TRIP12: variants seen among roughly 807,000 people sequenced by gnomAD.
TRIP12 encodes thyroid hormone receptor interactor 12, also known as E3 ubiquitin-protein ligase TRIP12.
Under a neutral mutation model 244.2 loss-of-function variants are expected in TRIP12, and 25 were observed. That is an observed-to-expected ratio of 0.10 (90% CI 0.07 to 0.14). The LOEUF (loss-of-function observed/expected upper bound fraction) is 0.14. TRIP12 is among the 10% of genes least tolerant of loss of function. TRIP12 has a pLI of 1.00. For missense variants in TRIP12, 1,677 were observed against 2,486.4 expected (o/e 0.67, Z 6.92); for synonymous variants, 905 against 873.1 (o/e 1.04, Z -0.64).
intron 41 of TRIP12, 67 bp downstream of exon 41, chr2:229,768,549 C>T: frequency 7.0e-7 from 1 of 1,427,466 alleles, no homozygotes; most frequent in Non-Finnish European, 9.7e-7. Context: ...GCTGATGGTA[C>T]TGAAGTTTCA....
intron 4 of TRIP12, among the ~76,000 whole-genome samples, chr2:229,854,207 A>C (rs1437166236): frequency 6.6e-6 from 1 of 152,138 alleles, no homozygotes; most frequent in Admixed American, 6.5e-5. Flanking sequence ...CTCAGTCTCC[A>C]ATGTTTATTA....
chr2:229,858,983 C>T lies in TRIP12; in HGVS notation c.816G>A (p.Lys272=), dbSNP rs2154335946. 3.1e-6 allele frequency: 5 copies of T among 1,614,170 alleles called. No homozygotes were observed. Among genetic ancestry groups the T allele is most frequent in the East Asian group, 4.5e-5 (2 of 44,874 alleles). The stretch of plus-strand genomic sequence containing the variant: ...TGGACGCTGAACGGGAACGCCTGGC[C>T]TTGTTCTGATCTTTTCCTTGTTTCA... The part of the protein sequence containing the change: ...ARVKQGKDQN[K]ARRSRSASSP... The change falls in exon 4 of 42, where the codon AAG becomes AAA. Residue 272 remains lysine, a synonymous_variant. Coordinates refer to ENST00000675903, the MANE Select transcript of TRIP12 (RefSeq NM_001348323.3).
intron 4 of TRIP12, among the ~76,000 whole-genome samples, chr2:229,845,588 CCAAAA>C (rs1053633130): frequency 1.6e-4 from 24 of 152,032 alleles, no homozygotes; most frequent in Admixed American, 4.6e-4. Context: ...TTAAAACTCT[CCAAAA>C]CAAAAGAAAT....
chr2:229,819,085 C>CACACACACACA, intron 8 of TRIP12, among the ~76,000 whole-genome samples: 1 of 109,696 alleles, frequency 9.1e-6, no homozygotes, highest in South Asian at 3.3e-4. Flanking sequence ...CACACACACA[C>CACACACACACA]AATTATAAAC....
chr2:229,896,169 T>C (rs1158209298), intron 1 of TRIP12, among the ~76,000 whole-genome samples: 2 of 152,102 alleles, frequency 1.3e-5, no homozygotes, highest in Non-Finnish European at 2.9e-5. Context: ...TATTATACTA[T>C]AGAGTAAGAT....
chr2:229,813,509 C>T (rs867207239), intron 13 of TRIP12, among the ~76,000 whole-genome samples: 35 of 152,172 alleles, frequency 2.3e-4, no homozygotes, highest in Middle Eastern at 3.4e-3. Context: ...AGTGGCTGGG[C>T]GCGGTAGCTC....
At chr2:229,817,641 G>A (rs139403859) in intron 9 of TRIP12, among the ~76,000 whole-genome samples, 589 of 152,150 alleles carry the variant, frequency 3.9e-3, no homozygotes, top group Non-Finnish European at 5.9e-3. Flanking sequence ...GTGCAGTGGC[G>A]CGATCTTGGC....
chr2:229,849,100 A>G (rs994558731), intron 4 of TRIP12, among the ~76,000 whole-genome samples: 15 of 152,352 alleles, frequency 9.8e-5, no homozygotes, highest in South Asian at 2.1e-4. Context: ...CAGAGGCCTC[A>G]TTTCTTCAAG....
chr2:229,786,037 C>A (rs2039895485), intron 33 of TRIP12, among the ~76,000 whole-genome samples, 182 bp from the exon 34 acceptor site: 1 of 152,138 alleles, frequency 6.6e-6, no homozygotes, highest in African/African-American at 2.4e-5. Context: ...TCAACAGCAC[C>A]CTGGCATACA....
In TRIP12 at chr2:229,858,780, T is replaced by C; in HGVS notation, c.1019A>G (p.Lys340Arg). The change falls in exon 4 of 42, where the codon AAA becomes AGA. Residue 340 changes from lysine (K) to arginine (R), a missense_variant. By Grantham distance (26) the Lys-to-Arg change is conservative. Coordinates refer to ENST00000675903, the MANE Select transcript of TRIP12 (RefSeq NM_001348323.3). ...CCTTTTTGTAAACTTACTTGCTAAT[T>C]TGGCCTGTAATCCAGAAGGTCCAGG... The part of the protein sequence containing the change: ...SKPGPSGLQA[K>R]LASLRKSTKK... The C allele has an allele frequency of 6.4e-7, 1 of 1,565,358 alleles. No homozygotes were observed. The highest frequency in any genetic ancestry group is 8.7e-7 in the Non-Finnish European group (1 of 1,154,628).
chr2:229,777,593 A>G, intron 36 of TRIP12, 114 bp from the exon 37 acceptor site: 2 of 1,080,450 alleles, frequency 1.9e-6, no homozygotes, highest in Admixed American at 2.2e-5. Flanking sequence ...AATCCCCAAG[A>G]AAGAAAATTC....
intron 1 of TRIP12, among the ~76,000 whole-genome samples, chr2:229,892,903 A>G (rs1019723000): frequency 1.3e-5 from 2 of 152,146 alleles, no homozygotes; most frequent in African/African-American, 4.8e-5. Flanking sequence ...CCATATTCAC[A>G]TTCAAATCAG....
rs1335775171 is a variant in TRIP12, at chr2:229,799,418, T to C, written c.3207-35A>G. On this transcript the variant is annotated intron_variant, in intron 21 of 41. Transcript: ENST00000675903. ...GGAAAATATGAGATAAGTTTAGCAATTACCACTGTTTTATATCTTCACTCA... is the reference window on the plus strand; with the variant it reads ...GGAAAATATGAGATAAGTTTAGCAACTACCACTGTTTTATATCTTCACTCA... The C allele has an allele frequency of 3.2e-6, 5 of 1,560,294 alleles. No homozygotes were observed. In the South Asian group the frequency reaches 5.6e-5, roughly 17 times the overall value.
chr2:229,889,293 A>C (rs150562301), intron 1 of TRIP12, among the ~76,000 whole-genome samples: 2 of 152,214 alleles, frequency 1.3e-5, no homozygotes, highest in East Asian at 3.9e-4. Flanking sequence ...TAGACCAAAA[A>C]TCTATTTTGT....
chr2:229,776,860 C>G (rs1247023686), intron 37 of TRIP12, among the ~76,000 whole-genome samples: 2 of 152,150 alleles, frequency 1.3e-5, no homozygotes, highest in Admixed American at 1.3e-4. Flanking sequence ...AGAGAAACCT[C>G]AAAATGTATT....
chr2:229,779,399 C>T (rs1553593319), intron 34 of TRIP12, among the ~76,000 whole-genome samples: 1 of 152,222 alleles, frequency 6.6e-6, no homozygotes, highest in Non-Finnish European at 1.5e-5. Context: ...CTGCTCCCAA[C>T]AGTTAGTCTG....
Position 229,818,508 on chromosome 2 carries a change from A to G in TRIP12, c.1455T>C (p.Ser485=), listed in dbSNP as rs751099753. 5.0e-6 allele frequency: 8 copies of G among 1,612,952 alleles called. No individual in the cohort carries two copies. The highest frequency in any genetic ancestry group is 6.8e-6 in the Non-Finnish European group (8 of 1,179,612). The change falls in exon 9 of 42, where the codon TCT becomes TCC. Residue 485 remains serine (S), a synonymous_variant. Coordinates refer to ENST00000675903, the MANE Select transcript of TRIP12 (RefSeq NM_001348323.3). ...FHRTIGSGAS[S]KAQQLLQGLQ... ...ATCCTTGTAGTAGCTGCTGGGCCTT[A>G]GAACCTTTAGAGAAAAAAATAATTA... is the stretch of plus-strand genomic sequence containing the variant.
At chr2:229,812,758 G>A (rs959677876) in intron 13 of TRIP12, among the ~76,000 whole-genome samples, 3 of 152,102 alleles carry the variant, frequency 2.0e-5, no homozygotes, top group East Asian at 1.9e-4. Flanking sequence ...GTGAGATCAC[G>A]CCACTGCACT....
chr2:229,899,560 C>T (rs777215539), intron 1 of TRIP12, among the ~76,000 whole-genome samples: 2 of 152,098 alleles, frequency 1.3e-5, no homozygotes, highest in Non-Finnish European at 2.9e-5. Context: ...TAAAAGAATG[C>T]TGGGAAGCTC....
Sources: gnomAD v4.1 joint callset for allele counts (sites outside exome capture counted in the v4.1 genomes callset) on GRCh38, gnomAD v4.1.1 for gene constraint, MANE v1.5 for transcripts, NCBI Gene and HGNC (gene_info 2026-07-23, HGNC 2026-07-21) for gene names.